NCAM2: variants seen among roughly 807,000 people sequenced by gnomAD.
The protein encoded by NCAM2 is N-CAM-2.
NCAM2 carries 30 observed loss-of-function variants against 98.1 expected under a neutral mutation model. The observed-to-expected ratio is 0.31, with a 90% confidence interval of 0.23 to 0.41. NCAM2 has a LOEUF of 0.41. Ranked by LOEUF, NCAM2 falls within the 10% of genes least tolerant of loss-of-function variation. The pLI, the probability that NCAM2 is intolerant of heterozygous loss-of-function variation, is 1.00. For missense variants in NCAM2, 867 were observed against 1,005.8 expected, an observed-to-expected ratio of 0.86 and a Z score of 1.87; for synonymous variants, 368 against 342.4, an observed-to-expected ratio of 1.07 and a Z score of -0.83.
At chr21:21,136,422 T>TG (rs2067051111) in intron 1 of NCAM2, among the ~76,000 whole-genome samples, 2 of 151,636 alleles carry the variant, frequency 1.3e-5, no homozygotes, top group South Asian at 4.2e-4. Flanking sequence ...TATCTAAATA[T>TG]GGGATACCCA....
chr21:21,536,747 G>GA (rs1990004692), intron 17 of NCAM2, among the ~76,000 whole-genome samples: 1 of 152,104 alleles, frequency 6.6e-6, no homozygotes, highest in African/African-American at 2.4e-5. Context: ...TGTTAAGGGA[G>GA]AAAAACCCAT....
chr21:21,261,031 C>CA (rs575642426), intron 1 of NCAM2, among the ~76,000 whole-genome samples: 97 of 148,352 alleles, frequency 6.5e-4, no homozygotes, highest in African/African-American at 1.7e-3. Context: ...AAATGTAAAA[C>CA]AAAAAAAAGA....
intron 9 of NCAM2, among the ~76,000 whole-genome samples, chr21:21,409,420 G>A (rs2076811770): frequency 6.6e-6 from 1 of 152,100 alleles, no homozygotes; most frequent in African/African-American, 2.4e-5. Flanking sequence ...GACATCTGTG[G>A]TTTAGTAAAA....
At chr21:21,227,916 CAAGAT>C (rs2070454691) in intron 1 of NCAM2, among the ~76,000 whole-genome samples, 2 of 151,686 alleles carry the variant, frequency 1.3e-5, no homozygotes, top group Admixed American at 6.6e-5. Flanking sequence ...GTAAGGGAAA[CAAGAT>C]AAATAATACA....
chr21:21,502,542 A>G (rs903611767), intron 15 of NCAM2, among the ~76,000 whole-genome samples: 14 of 151,934 alleles, frequency 9.2e-5, no homozygotes, highest in African/African-American at 2.2e-4. Flanking sequence ...TTTTCCTCAT[A>G]TACATGTATG....
intron 5 of NCAM2, among the ~76,000 whole-genome samples, chr21:21,307,005 G>A (rs2073899844): frequency 6.6e-6 from 1 of 152,074 alleles, no homozygotes; most frequent in Non-Finnish European, 1.5e-5. Flanking sequence ...TTCTATCCAT[G>A]TGGTTGCAAA....
At chr21:21,468,881 G>T in intron 14 of NCAM2, 98 bp downstream of exon 14, 1 of 1,027,432 alleles carries the variant, frequency 9.7e-7, no homozygotes, top group Admixed American at 3.0e-5. Context: ...TGTGTATTTA[G>T]TAATTGTGGT....
intron 5 of NCAM2, among the ~76,000 whole-genome samples, chr21:21,304,003 G>A (rs913444289): frequency 5.3e-5 from 8 of 151,918 alleles, no homozygotes; most frequent in South Asian, 4.2e-4. Flanking sequence ...TTATGTATTT[G>A]GAATGTAATC....
In NCAM2 at chr21:21,195,518, C is replaced by T. The variant is rs1450097072; in HGVS notation, c.56-85060C>T. ...TTTGCTTCTATTATGACATGAGATTCTGTCTGTAGGAAATCATCCCAAGGG... is the reference window on the plus strand; with the variant it reads ...TTTGCTTCTATTATGACATGAGATTTTGTCTGTAGGAAATCATCCCAAGGG... On this transcript the variant is annotated intron_variant, in intron 1 of 17. Transcript: ENST00000400546. Among the ~76,000 whole-genome samples, 8 of 152,144 alleles carry T rather than the reference C, an allele frequency of 5.3e-5. No individual in the cohort carries two copies. The East Asian group carries it at 1.5e-3, about 29-fold the overall frequency.
chr21:21,020,322 C>CA (rs2064406114), intron 1 of NCAM2, among the ~76,000 whole-genome samples: 1 of 152,212 alleles, frequency 6.6e-6, no homozygotes, highest in Admixed American at 6.5e-5. Flanking sequence ...AGGCGTGAGC[C>CA]ACTGCACCCG....
chr21:21,524,000 G>C (rs1464233038), intron 16 of NCAM2, among the ~76,000 whole-genome samples: 1 of 150,992 alleles, frequency 6.6e-6, no homozygotes, highest in Non-Finnish European at 1.5e-5. Flanking sequence ...GAGACTGTCA[G>C]AGTAAATAAA....
intron 1 of NCAM2, among the ~76,000 whole-genome samples, chr21:21,196,398 G>C (rs2069006227): frequency 6.6e-6 from 1 of 152,168 alleles, no homozygotes. Context: ...TGAACCTGTT[G>C]GGCCTTCATT....
chr21:21,318,718 A>G (rs760570293), intron 5 of NCAM2, among the ~76,000 whole-genome samples: 12 of 152,214 alleles, frequency 7.9e-5, no homozygotes, highest in Admixed American at 2.6e-4. Context: ...AATTAAATAT[A>G]GAATTTATTA....
intron 8 of NCAM2, among the ~76,000 whole-genome samples, chr21:21,356,458 T>C (rs1456220773): frequency 6.6e-6 from 1 of 152,120 alleles, no homozygotes; most frequent in East Asian, 1.9e-4. Flanking sequence ...TTAGATTATT[T>C]TTATTTATAA....
intron 5 of NCAM2, among the ~76,000 whole-genome samples, chr21:21,295,951 A>T (rs2073463785): frequency 6.6e-6 from 1 of 151,706 alleles, no homozygotes; most frequent in Non-Finnish European, 1.5e-5. Context: ...GATGGTGATC[A>T]TTTATGACAA....
chr21:21,005,289 T>C (rs2064091159), intron 1 of NCAM2, among the ~76,000 whole-genome samples: 1 of 152,210 alleles, frequency 6.6e-6, no homozygotes, highest in Non-Finnish European at 1.5e-5. Flanking sequence ...GTGGCACATG[T>C]GTCTATGGAA....
intron 11 of NCAM2, among the ~76,000 whole-genome samples, chr21:21,429,740 T>C (rs2077288817): frequency 6.6e-6 from 1 of 152,208 alleles, no homozygotes; most frequent in Non-Finnish European, 1.5e-5. Context: ...TTTTAATAGT[T>C]CTAAGACTTT....
At position 21,508,981 on chromosome 21, in the gene NCAM2, TAGG is replaced by T; in HGVS notation, c.2211_2213del (p.Arg738del). On this transcript the variant is annotated inframe_deletion, in exon 16 of 18. Transcript: ENST00000400546. ...AATGTGGGTTGCTGATGTGCATCAC[TAGG>T]AGAATGTGTGGAAAGAAAAGTGGCT... 1 of 1,613,672 alleles carries T rather than the reference TAGG, an allele frequency of 6.2e-7. No homozygotes were observed. Among genetic ancestry groups the T allele is most frequent in the Non-Finnish European group, 8.5e-7 (1 of 1,179,798 alleles).
At chr21:21,180,623 G>A (rs947052935) in intron 1 of NCAM2, among the ~76,000 whole-genome samples, 1 of 152,088 alleles carries the variant, frequency 6.6e-6, no homozygotes, top group Non-Finnish European at 1.5e-5. Context: ...TTCTATGAAA[G>A]GGATTTAATA....
Sources: allele counts gnomAD v4.1 joint callset (sites outside exome capture counted in the v4.1 genomes callset), GRCh38; gene constraint gnomAD v4.1.1; transcripts MANE v1.5; gene names NCBI Gene and HGNC (gene_info 2026-07-23, HGNC 2026-07-21).